ST6GALNAC3: variants seen among roughly 807,000 people sequenced by gnomAD.
ST6GALNAC3 encodes the protein alpha-N-acetylgalactosaminide alpha-2,6-sialyltransferase 3.
In ST6GALNAC3, 25 loss-of-function variants were observed where a neutral mutation model predicts 32.7. The observed-to-expected ratio is 0.76, with a 90% CI of 0.56 to 1.07. The LOEUF is 1.07. Ranked by LOEUF, ST6GALNAC3 falls within the 50% of genes least tolerant of loss-of-function variation. The pLI is 0.00. For synonymous variants in ST6GALNAC3, 129 were observed against 133.1 expected, an observed-to-expected ratio of 0.97 and a Z score of 0.21; for missense variants, 355 against 382.4, an observed-to-expected ratio of 0.93 and a Z score of 0.60.
intron 1 of ST6GALNAC3, among the ~76,000 whole-genome samples, chr1:76,227,215 T>C (rs1173900222): frequency 6.6e-6 from 1 of 152,056 alleles, no homozygotes; most frequent in Non-Finnish European, 1.5e-5. Flanking sequence ...CATTCAGGAG[T>C]GCTATGGCCC....
At chr1:76,151,319 T>C (rs373976235) in intron 1 of ST6GALNAC3, among the ~76,000 whole-genome samples, 4 of 152,214 alleles carry the variant, frequency 2.6e-5, no homozygotes, top group Admixed American at 2.0e-4. Flanking sequence ...TTCAAAAGTC[T>C]GCATTACAGT....
chr1:76,489,849 C>A, intron 3 of ST6GALNAC3, among the ~76,000 whole-genome samples: 1 of 152,116 alleles, frequency 6.6e-6, no homozygotes, highest in East Asian at 1.9e-4. Context: ...CTGAGCCTGG[C>A]GTATAGTTCC....
At chr1:76,388,997 TAG>T (rs1265580649) in intron 2 of ST6GALNAC3, among the ~76,000 whole-genome samples, 21 of 131,356 alleles carry the variant, frequency 1.6e-4, no homozygotes, top group Non-Finnish European at 2.6e-4. Flanking sequence ...GTGTGGTTGT[TAG>T]TTGGTATATT....
At chr1:76,308,405 A>AT (rs1292082491) in intron 1 of ST6GALNAC3, among the ~76,000 whole-genome samples, 1 of 152,064 alleles carries the variant, frequency 6.6e-6, no homozygotes, top group Non-Finnish European at 1.5e-5. Context: ...CATATATGCC[A>AT]TTTTTTTGCA....
chr1:76,278,372 C>A (rs1429319362), intron 1 of ST6GALNAC3, among the ~76,000 whole-genome samples: 1 of 151,966 alleles, frequency 6.6e-6, no homozygotes, highest in Non-Finnish European at 1.5e-5. Context: ...CAGGGGCCCG[C>A]CACCATGCCC....
intron 1 of ST6GALNAC3, among the ~76,000 whole-genome samples, chr1:76,075,553 T>C (rs936832660): frequency 2.0e-5 from 3 of 152,194 alleles, no homozygotes; most frequent in African/African-American, 4.8e-5. Context: ...CAGCCATCCC[T>C]TCTTTGTTGA....
intron 1 of ST6GALNAC3, among the ~76,000 whole-genome samples, chr1:76,259,324 G>C (rs907317086): frequency 3.3e-5 from 5 of 152,152 alleles, no homozygotes; most frequent in Non-Finnish European, 5.9e-5. Context: ...ATAGTGGTAA[G>C]AACACAGGTT....
chr1:76,260,142 C>T (rs1658144007), intron 1 of ST6GALNAC3, among the ~76,000 whole-genome samples: 1 of 152,212 alleles, frequency 6.6e-6, no homozygotes, highest in South Asian at 2.1e-4. Context: ...GGGGACCACT[C>T]TTCACATTTG....
intron 1 of ST6GALNAC3, among the ~76,000 whole-genome samples, chr1:76,091,928 A>T (rs1647052161): frequency 6.6e-6 from 1 of 152,218 alleles, no homozygotes; most frequent in Non-Finnish European, 1.5e-5. Context: ...TAAAGCTTAT[A>T]ACAACACTGT....
At chr1:76,211,452 T>G (rs932375295) in intron 1 of ST6GALNAC3, among the ~76,000 whole-genome samples, 2 of 152,176 alleles carry the variant, frequency 1.3e-5, no homozygotes, top group East Asian at 3.9e-4. Flanking sequence ...ACCCAAAGGA[T>G]TATAAAACAT....
intron 1 of ST6GALNAC3, among the ~76,000 whole-genome samples, chr1:76,243,015 T>C (rs926119904): frequency 6.6e-6 from 1 of 152,216 alleles, no homozygotes; most frequent in Non-Finnish European, 1.5e-5. Context: ...TTCTAGATCA[T>C]TGAGGAACCA....
intron 2 of ST6GALNAC3, chr1:76,353,916 G>C (rs1368636359): frequency 1.2e-5 from 2 of 167,060 alleles, no homozygotes; most frequent in African/African-American, 4.7e-5. Flanking sequence ...GTGGGTCTTT[G>C]ACAGTTGGGG....
intron 1 of ST6GALNAC3, among the ~76,000 whole-genome samples, chr1:76,140,726 C>T (rs1650264406): frequency 6.6e-6 from 1 of 150,510 alleles, no homozygotes; most frequent in South Asian, 2.1e-4. Flanking sequence ...AGGGATCCTG[C>T]CACCCCAGCC....
chr1:76,342,209 C>T (rs1648101023), intron 2 of ST6GALNAC3, among the ~76,000 whole-genome samples: 1 of 152,070 alleles, frequency 6.6e-6, no homozygotes, highest in African/African-American at 2.4e-5. Context: ...ATGTATAATC[C>T]TTTGGTAATA....
chr1:76,237,593 T>C (rs575107789), intron 1 of ST6GALNAC3, among the ~76,000 whole-genome samples: 20 of 152,274 alleles, frequency 1.3e-4, no homozygotes, highest in African/African-American at 4.8e-4. Context: ...GTCTAAAAAT[T>C]TGTAAGGTAA....
chr1:76,455,319 ATCT>A (rs1657697357), intron 3 of ST6GALNAC3, among the ~76,000 whole-genome samples: 1 of 152,050 alleles, frequency 6.6e-6, no homozygotes, highest in Admixed American at 6.6e-5. Context: ...ATTTATGATC[ATCT>A]TCTGCTGCTG....
intron 1 of ST6GALNAC3, among the ~76,000 whole-genome samples, chr1:76,190,217 GT>G: frequency 6.6e-6 from 1 of 152,248 alleles, no homozygotes; most frequent in Non-Finnish European, 1.5e-5. Flanking sequence ...CTATATACTT[GT>G]TTTCTACCCT....
intron 3 of ST6GALNAC3, among the ~76,000 whole-genome samples, chr1:76,565,559 G>C (rs1050139491): frequency 2.6e-5 from 4 of 152,120 alleles, no homozygotes; most frequent in African/African-American, 7.2e-5. Context: ...CTCCCAGCTC[G>C]GTAGACATGG....
intron 2 of ST6GALNAC3, among the ~76,000 whole-genome samples, chr1:76,377,857 AAT>A (rs1651361058): frequency 6.6e-6 from 1 of 152,208 alleles, no homozygotes; most frequent in Non-Finnish European, 1.5e-5. Flanking sequence ...AAGTAATTGC[AAT>A]CATATAACTG....
Sources: allele counts gnomAD v4.1 joint callset (sites outside exome capture counted in the v4.1 genomes callset), GRCh38; gene constraint gnomAD v4.1.1; transcripts MANE v1.5; gene names NCBI Gene and HGNC (gene_info 2026-07-23, HGNC 2026-07-21).